The following SAMM50 variants were observed in gnomAD, a reference collection of about 807,000 sequenced individuals.
SAMM50 encodes sorting and assembly machinery component 50 homolog.
SAMM50 carries 47 observed loss-of-function variants against 66.9 expected under a neutral mutation model. That is an observed-to-expected ratio of 0.70 (90% CI 0.56 to 0.90). The LOEUF (loss-of-function observed/expected upper bound fraction) is 0.90, where lower values mean the gene tolerates loss of function less well. Ranked by LOEUF, SAMM50 falls within the 40% of genes least tolerant of loss-of-function variation. The pLI is 0.00. For missense variants in SAMM50, 535 were observed against 595.3 expected (o/e 0.90, Z 1.05); for synonymous variants, 191 against 214.1 (o/e 0.89, Z 0.94).
chr22:43,995,642 C>G (rs373818624), intron 14 of SAMM50, among the ~76,000 whole-genome samples: 1 of 152,158 alleles, frequency 6.6e-6, no homozygotes, highest in South Asian at 2.1e-4. Context: ...AGAACAAGGC[C>G]TGTGGGTGCC....
intron 9 of SAMM50, 59 bp from the exon 10 acceptor site, chr22:43,977,813 C>A: frequency 8.8e-7 from 1 of 1,135,762 alleles, no homozygotes; most frequent in Non-Finnish European, 1.3e-6. Flanking sequence ...AAACATGATT[C>A]TGTAGCCCCT....
In SAMM50 at chr22:43,984,413, A is replaced by C. The variant is rs1472997794; in HGVS notation, c.1075+413A>C. On this transcript the variant is annotated intron_variant, in intron 12 of 14. Coordinates refer to ENST00000350028, the MANE Select transcript of SAMM50 (RefSeq NM_015380.5). ...CCGCAACCTCCGCCTCCTGGGTTCA[A>C]ATGATTCTCCTGCCTCAGCCTCCCA... Among the ~76,000 whole-genome samples the C allele has an allele frequency of 8.4e-4, 112 of 132,862 alleles. No individual in the cohort carries two copies. The Middle Eastern group carries it at 0.016, about 19-fold the overall frequency. 87.2% of individuals were successfully genotyped at this position (132,862 alleles called of 152,430 possible). A position where few individuals can be genotyped will look rare whatever the true frequency, so the allele number is the denominator to read the frequency against.
rs544199121 is a variant in SAMM50 at position 43,975,593 on chromosome 22, A to G, written c.649-462A>G. ...GCAGGAAGGATCCCTCGCCTCCCAC[A>G]TAACTCTCGTCTCTGCCACCTTCTC... On this transcript the variant is annotated intron_variant, in intron 7 of 14. Coordinates refer to ENST00000350028, the MANE Select transcript of SAMM50 (RefSeq NM_015380.5). 6 of 154,700 alleles carry G rather than the reference A, an allele frequency of 3.9e-5. No individual in the cohort carries two copies. The East Asian group carries it at 1.1e-3, about 29-fold the overall frequency. 9.6% of individuals were successfully genotyped at this position (154,700 alleles called of 1,614,324 possible). A position where few individuals can be genotyped will look rare whatever the true frequency, so the allele number is the denominator to read the frequency against.
At chr22:43,968,677 T>A (rs141698213) in intron 3 of SAMM50, 54 bp from the exon 4 acceptor site, 8 of 1,261,830 alleles carry the variant, frequency 6.3e-6, no homozygotes, top group Non-Finnish European at 9.3e-6. Flanking sequence ...TGCCATTTGC[T>A]GTTTCTGTAT....
chr22:43,955,746 G>A, intron 1 of SAMM50, 148 bp downstream of exon 1: 2 of 831,552 alleles, frequency 2.4e-6, no homozygotes, highest in Non-Finnish European at 3.7e-6. Context: ...AGGCCGAAAA[G>A]AGGTCGCCTC....
chr22:43,977,181 G>A (rs1412015357), intron 9 of SAMM50, among the ~76,000 whole-genome samples: 1 of 152,266 alleles, frequency 6.6e-6, no homozygotes, highest in East Asian at 1.9e-4. Context: ...GTGCATCGTG[G>A]CAGCAGGAGG....
rs545228845 is a variant in SAMM50 at position 43,962,795 on chromosome 22, C to T, written c.22-491C>T. 8.0e-5 allele frequency among the ~76,000 whole-genome samples: 12 copies of T among 149,968 alleles called. No individual in the cohort carries two copies. The South Asian group carries it at 8.4e-4, about 11-fold the overall frequency. On this transcript the variant is annotated intron_variant, in intron 1 of 14. Transcript: ENST00000350028. Reference sequence around the variant, plus strand: ...TTTTAAATGATTTTTTAATTTCCATCGGGCCTCAGATGTCCAGAATTAGGT... The same window carrying T: ...TTTTAAATGATTTTTTAATTTCCATTGGGCCTCAGATGTCCAGAATTAGGT...
chr22:43,975,461 A>G (rs1240156389), intron 7 of SAMM50: 3 of 152,588 alleles, frequency 2.0e-5, no homozygotes, highest in Non-Finnish European at 2.9e-5. Flanking sequence ...TTTCTCTGAG[A>G]TAGAAATCTA....
chr22:43,990,297 G>C lies in SAMM50; in HGVS notation c.1255G>C (p.Ala419Pro). ...EGPKAHIRKL[A>P]ECIRWSYGAG... is the part of the protein sequence containing the mutation. Reference sequence around the variant, plus strand: ...CCCCAAAGCTCATATTCGTAAGCTGGCTGAGTGCATCCGCTGGTCGTACGG... The same window carrying C: ...CCCCAAAGCTCATATTCGTAAGCTGCCTGAGTGCATCCGCTGGTCGTACGG... The change falls in exon 14 of 15, where the codon GCT (alanine) becomes CCT (proline). Residue 419 changes from alanine to proline, a missense_variant. By Grantham distance (27) the Ala-to-Pro change is conservative (BLOSUM62 -1). Transcript: ENST00000350028. 6.2e-7 allele frequency: 1 copy of C among 1,614,166 alleles called. No individual in the cohort carries two copies. Among genetic ancestry groups the C allele is most frequent in the Non-Finnish European group, 8.5e-7 (1 of 1,180,028 alleles).
At chr22:43,969,835 G>A (rs990689658) in intron 4 of SAMM50, among the ~76,000 whole-genome samples, 1 of 152,118 alleles carries the variant, frequency 6.6e-6, no homozygotes, top group Non-Finnish European at 1.5e-5. Context: ...GGAAGACAAG[G>A]AAGAAAAGCC....
intron 3 of SAMM50, 96 bp from the exon 4 acceptor site, chr22:43,968,635 C>T (rs567613128): frequency 4.1e-5 from 35 of 846,144 alleles, no homozygotes; most frequent in South Asian, 9.9e-5. Context: ...GACTTAGCAC[C>T]GAATGGTAAA....
At chr22:43,962,752 G>A (rs1176447658) in intron 1 of SAMM50, among the ~76,000 whole-genome samples, 1 of 152,016 alleles carries the variant, frequency 6.6e-6, no homozygotes, top group Non-Finnish European at 1.5e-5. Flanking sequence ...CCTGATAAAT[G>A]CCTTTGTGGC....
intron 4 of SAMM50, among the ~76,000 whole-genome samples, chr22:43,969,922 T>C (rs2050195063): frequency 6.6e-6 from 1 of 152,130 alleles, no homozygotes; most frequent in African/African-American, 2.4e-5. Flanking sequence ...GCAGACACCA[T>C]TGAAAAATAA....
At chr22:43,978,087 G>A (rs529586839) in intron 10 of SAMM50, 129 bp downstream of exon 10, 1 of 617,622 alleles carries the variant, frequency 1.6e-6, no homozygotes, top group African/African-American at 1.9e-5. Flanking sequence ...AACCTTTGAT[G>A]TTTCCAGTTT....
rs560836347 is a variant in SAMM50, at chr22:43,976,282, C to T, written c.777+99C>T. ...GCCAATATCAGGGCTGACTGAGAAG[C>T]GTCACCCAGATGGGGTGTCCACAGT... On this transcript the variant is annotated intron_variant, in intron 8 of 14. Coordinates refer to ENST00000350028, the MANE Select transcript of SAMM50 (RefSeq NM_015380.5). The T allele has an allele frequency of 1.6e-4, 226 of 1,420,406 alleles. 1 individual carries two copies. Among genetic ancestry groups the T allele is most frequent in the Non-Finnish European group, 1.9e-4 (199 of 1,035,930 alleles). The allele number at this position is 1,420,406 out of a possible 1,614,324, so 88.0% of individuals were successfully genotyped here.
At chr22:43,992,936 G>A (rs1178055562) in intron 14 of SAMM50, among the ~76,000 whole-genome samples, 1 of 152,222 alleles carries the variant, frequency 6.6e-6, no homozygotes, top group Non-Finnish European at 1.5e-5. Flanking sequence ...AAGTGAAAAA[G>A]TGGGCACCTT....
At chr22:43,976,302 C>A in intron 8 of SAMM50, 119 bp downstream of exon 8, 2 of 1,230,438 alleles carry the variant, frequency 1.6e-6, no homozygotes, top group Non-Finnish European at 2.3e-6. Flanking sequence ...ATGGGGTGTC[C>A]ACAGTGGCGG....
intron 3 of SAMM50, among the ~76,000 whole-genome samples, chr22:43,964,994 C>T (rs1336775794): frequency 6.6e-6 from 1 of 151,998 alleles, no homozygotes; most frequent in African/African-American, 2.4e-5. Context: ...CTCCTTCCTG[C>T]ACTGCACCCC....
rs552013999 is a variant in SAMM50, at chr22:43,965,869, G to A, written c.234+1316G>A. ...TTCTGAGATAGGGTCTTGCTCTGGT[G>A]CAAGTCCTGCTCAGGCTGGAGTCCA... On this transcript the variant is annotated intron_variant, in intron 3 of 14. Transcript: ENST00000350028. 9.8e-4 allele frequency among the ~76,000 whole-genome samples: 149 copies of A among 151,990 alleles called. 1 individual carries two copies. The highest frequency in any genetic ancestry group is 3.4e-3 in the African/African-American group (142 of 41,410).
Sources: allele counts gnomAD v4.1 joint callset (sites outside exome capture counted in the v4.1 genomes callset), GRCh38; gene constraint gnomAD v4.1.1; transcripts MANE v1.5; gene names NCBI Gene and HGNC (gene_info 2026-07-23, HGNC 2026-07-21).